The following SCHIP1 variants were observed in gnomAD, a reference collection of about 807,000 sequenced individuals.
SCHIP1 encodes the protein schwannomin-interacting protein 1.
A neutral mutation model predicts 29.7 loss-of-function variants in SCHIP1; 8 were observed. The ratio of observed to expected loss-of-function variants is 0.27; its 90% CI spans 0.16 to 0.49. The LOEUF (loss-of-function observed/expected upper bound fraction) is 0.49. Ranked by LOEUF, SCHIP1 falls within the 20% of genes least tolerant of loss-of-function variation. The pLI, the probability that SCHIP1 is intolerant of heterozygous loss-of-function variation, is 0.99. For missense variants in SCHIP1, 193 were observed against 294.6 expected (o/e 0.66, Z 2.52); for synonymous variants, 76 against 94.9 (o/e 0.80, Z 1.16).
At chr3:159,357,242 A>G in the SCHIP1 span, among the ~76,000 whole-genome samples, 3 of 152,346 alleles carry the variant, frequency 2.0e-5, no homozygotes, top group East Asian at 5.8e-4. Context: ...AAGAGAATCT[A>G]AGTTCAGGAG....
the SCHIP1 span, among the ~76,000 whole-genome samples, chr3:159,799,035 A>T: frequency 6.6e-6 from 1 of 152,148 alleles, no homozygotes; most frequent in East Asian, 1.9e-4. Context: ...AAATGAGAGG[A>T]GTTGGGTAAT....
chr3:159,377,260 C>A, the SCHIP1 span, among the ~76,000 whole-genome samples: 11 of 152,144 alleles, frequency 7.2e-5, no homozygotes, highest in South Asian at 2.1e-4. Flanking sequence ...ACTGGGTAGA[C>A]AACTTTAGCT....
At chr3:159,769,746 G>A in the SCHIP1 span, among the ~76,000 whole-genome samples, 16 of 151,960 alleles carry the variant, frequency 1.1e-4, no homozygotes, top group South Asian at 2.1e-4. Flanking sequence ...GTGAAGCTTC[G>A]TCTCAAAAAT....
chr3:159,847,687 C>T (rs139434619), intron 1 of SCHIP1, among the ~76,000 whole-genome samples: 22 of 152,246 alleles, frequency 1.4e-4, no homozygotes, highest in Non-Finnish European at 2.1e-4. Context: ...CTATGGCCCA[C>T]GATCTTTTAG....
At chr3:159,753,572 A>G in the SCHIP1 span, among the ~76,000 whole-genome samples, 1 of 152,006 alleles carries the variant, frequency 6.6e-6, no homozygotes, top group African/African-American at 2.4e-5. Flanking sequence ...TGTCTTCCCA[A>G]TCTTCATTGA....
chr3:159,829,518 C>T, the SCHIP1 span, among the ~76,000 whole-genome samples: 3 of 152,162 alleles, frequency 2.0e-5, no homozygotes, highest in South Asian at 2.1e-4. Flanking sequence ...AAGAATATAA[C>T]GTTTCAGCCC....
the SCHIP1 span, among the ~76,000 whole-genome samples, chr3:159,499,340 C>A: frequency 6.6e-6 from 1 of 152,204 alleles, no homozygotes; most frequent in Non-Finnish European, 1.5e-5. Flanking sequence ...AGAAGCTGGC[C>A]ATTTCTACTG....
At chr3:159,648,697 C>T in the SCHIP1 span, among the ~76,000 whole-genome samples, 2 of 152,062 alleles carry the variant, frequency 1.3e-5, no homozygotes, top group Admixed American at 1.3e-4. Flanking sequence ...CAACTTTACC[C>T]AGGCTTCCCT....
chr3:159,353,231 G>A, the SCHIP1 span, among the ~76,000 whole-genome samples: 1 of 151,986 alleles, frequency 6.6e-6, no homozygotes, highest in East Asian at 1.9e-4. Flanking sequence ...GTTAATGGGT[G>A]CAGCACACCA....
the SCHIP1 span, among the ~76,000 whole-genome samples, chr3:159,714,554 C>T: frequency 8.5e-5 from 13 of 152,224 alleles, no homozygotes; most frequent in African/African-American, 3.1e-4. Flanking sequence ...CCTAATACTG[C>T]ACTTTTCCAA....
chr3:159,835,003 C>T (rs1743532486), upstream of SCHIP1, among the ~76,000 whole-genome samples: 1 of 152,114 alleles, frequency 6.6e-6, no homozygotes, highest in African/African-American at 2.4e-5. Context: ...GACCTAGTTT[C>T]CCTGATATCC....
At chr3:159,292,526 T>C in the SCHIP1 span, among the ~76,000 whole-genome samples, 1 of 152,062 alleles carries the variant, frequency 6.6e-6, no homozygotes, top group African/African-American at 2.4e-5. Flanking sequence ...GGGCATGAAA[T>C]AACTATCAAG....
At chr3:159,688,530 T>A in the SCHIP1 span, among the ~76,000 whole-genome samples, 1 of 152,224 alleles carries the variant, frequency 6.6e-6, no homozygotes, top group Non-Finnish European at 1.5e-5. Context: ...GCAAAAATTG[T>A]CTCCCATTCT....
the SCHIP1 span, among the ~76,000 whole-genome samples, chr3:159,333,609 G>T: frequency 2.0e-5 from 3 of 152,200 alleles, no homozygotes; most frequent in African/African-American, 7.2e-5. Flanking sequence ...GAACACAGCA[G>T]ATACAAATGA....
chr3:159,434,004 ATCTGTC>A, the SCHIP1 span, among the ~76,000 whole-genome samples: 191 of 152,314 alleles, frequency 1.3e-3, no homozygotes, highest in African/African-American at 4.3e-3. Flanking sequence ...TGTGGTCCAC[ATCTGTC>A]TCCTCCACTT....
chr3:159,877,155 C>T (rs1049601780), intron 2 of SCHIP1, among the ~76,000 whole-genome samples: 3 of 152,134 alleles, frequency 2.0e-5, no homozygotes, highest in African/African-American at 7.2e-5. Flanking sequence ...TCAAGATCAG[C>T]ACAGCCAACA....
the SCHIP1 span, among the ~76,000 whole-genome samples, chr3:159,796,257 G>A: frequency 1.3e-5 from 2 of 151,996 alleles, no homozygotes; most frequent in African/African-American, 2.4e-5. Flanking sequence ...AGGTACTCCC[G>A]AACTAAGACA....
Position 159,887,380 on chromosome 3 carries a change from C to T in SCHIP1, c.268-328C>T, listed in dbSNP as rs568184981. ...AGATCCTGTCCACGCAAAGAACCTACGTAGGGCCTTGGCTTCGAGTCAATA... is the reference window on the plus strand; with the variant it reads ...AGATCCTGTCCACGCAAAGAACCTATGTAGGGCCTTGGCTTCGAGTCAATA... On this transcript the variant is annotated intron_variant, in intron 3 of 6. Coordinates refer to ENST00000445224, the Ensembl canonical transcript of SCHIP1. The T allele has an allele frequency of 7.6e-4, 211 of 276,030 alleles. 1 individual carries two copies. The highest frequency in any genetic ancestry group is 4.3e-3 in the African/African-American group (197 of 46,182). The allele number at this position is 276,030 out of a possible 1,614,324, so 17.1% of individuals were successfully genotyped here.
the SCHIP1 span, chr3:159,764,171 C>A: frequency 2.4e-6 from 1 of 411,854 alleles, no homozygotes; most frequent in Non-Finnish European, 4.3e-6. The surrounding 1 kb of genome is among the most constrained non-coding windows in gnomAD (Gnocchi z 6.1). Flanking sequence ...CGCGGGGCCC[C>A]TTGTATGAAA....
Sources: gnomAD v4.1 joint callset for allele counts (sites outside exome capture counted in the v4.1 genomes callset) on GRCh38, gnomAD v4.1.1 for gene constraint, Gnocchi (gnomAD v3.1) non-coding constraint, MANE v1.5 for transcripts, NCBI Gene and HGNC (gene_info 2026-07-23, HGNC 2026-07-21) for gene names.